SLC26A5: variants seen among roughly 807,000 people sequenced by gnomAD.
SLC26A5 encodes the protein prestin.
A neutral mutation model predicts 81.0 loss-of-function variants in SLC26A5; 51 were observed. The observed-to-expected ratio is 0.63, with a 90% CI of 0.50 to 0.80. SLC26A5 has a LOEUF of 0.80. Ranked by LOEUF, SLC26A5 falls within the 30% of genes least tolerant of loss-of-function variation. The pLI is 0.00. For missense variants in SLC26A5, 771 were observed against 905.8 expected, an observed-to-expected ratio of 0.85 and a Z score of 1.91; for synonymous variants, 325 against 332.8, an observed-to-expected ratio of 0.98 and a Z score of 0.25.
intron 8 of SLC26A5, among the ~76,000 whole-genome samples, chr7:103,400,585 G>C (rs1286352197): frequency 6.6e-6 from 1 of 152,138 alleles, no homozygotes; most frequent in African/African-American, 2.4e-5. Flanking sequence ...GATCCCATTT[G>C]TCAATTTGGC....
At chr7:103,397,448 G>A (rs566006609) in intron 9 of SLC26A5, among the ~76,000 whole-genome samples, 52 of 144,606 alleles carry the variant, frequency 3.6e-4, no homozygotes, top group African/African-American at 1.4e-3. Context: ...GGCTGAGGGA[G>A]GAGAATGGCA....
At chr7:103,443,538 G>C (rs1422690736) in intron 1 of SLC26A5, among the ~76,000 whole-genome samples, 1 of 152,094 alleles carries the variant, frequency 6.6e-6, no homozygotes, top group African/African-American at 2.4e-5. Flanking sequence ...TCAGTAGTGG[G>C]AGCAAATCCT....
chr7:103,408,900 G>A (rs746657139), intron 7 of SLC26A5, among the ~76,000 whole-genome samples: 3 of 152,166 alleles, frequency 2.0e-5, no homozygotes, highest in Admixed American at 6.5e-5. Flanking sequence ...CTTTCCTATC[G>A]ATGCCTAGAG....
chr7:103,361,278 T>C (rs1459319082), intron 19 of SLC26A5, among the ~76,000 whole-genome samples: 1 of 150,572 alleles, frequency 6.6e-6, no homozygotes, highest in Non-Finnish European at 1.5e-5. Context: ...GAGGTTGGGA[T>C]TTCGAGACCA....
chr7:103,382,406 A>G (rs896159292), intron 14 of SLC26A5, among the ~76,000 whole-genome samples: 3 of 144,676 alleles, frequency 2.1e-5, no homozygotes, highest in Non-Finnish European at 4.5e-5. Flanking sequence ...CTGGAGTGCA[A>G]TGGTGCAATC....
intron 2 of SLC26A5, among the ~76,000 whole-genome samples, chr7:103,436,412 C>A (rs1003691084): frequency 1.3e-5 from 2 of 152,064 alleles, no homozygotes; most frequent in Admixed American, 6.5e-5. Context: ...CACATACAAC[C>A]CTAAGAGGCA....
At chr7:103,355,267 CAT>C (rs534163053) in intron 19 of SLC26A5, among the ~76,000 whole-genome samples, 86 of 152,284 alleles carry the variant, frequency 5.6e-4, no homozygotes, top group African/African-American at 2.0e-3. Context: ...GATCTCACAA[CAT>C]AGTTTTGCTT....
At chr7:103,372,223 AAGG>A (rs1431397252), downstream of SLC26A5, among the ~76,000 whole-genome samples, 2 of 152,222 alleles carry the variant, frequency 1.3e-5, no homozygotes, top group Non-Finnish European at 2.9e-5. Context: ...TTTTGATTAA[AAGG>A]AGGAGTTTAT....
At chr7:103,400,283 T>A (rs1041032110) in intron 8 of SLC26A5, among the ~76,000 whole-genome samples, 2 of 152,280 alleles carry the variant, frequency 1.3e-5, no homozygotes, top group African/African-American at 4.8e-5. Flanking sequence ...TGAGATGGTA[T>A]CCCGTTGTGG....
At chr7:103,357,049 G>C (rs1342201138) in intron 19 of SLC26A5, among the ~76,000 whole-genome samples, 2 of 151,982 alleles carry the variant, frequency 1.3e-5, no homozygotes. Context: ...GTTCAGGCTG[G>C]GCACGGCAGC....
intron 15 of SLC26A5, among the ~76,000 whole-genome samples, chr7:103,379,628 T>C (rs778077256): frequency 1.2e-4 from 19 of 152,122 alleles, no homozygotes; most frequent in Non-Finnish European, 2.5e-4. Flanking sequence ...ATTTTTACCA[T>C]TAAACACAAA....
At chr7:103,366,543 T>C (rs1295665248) in intron 19 of SLC26A5, among the ~76,000 whole-genome samples, 1 of 152,242 alleles carries the variant, frequency 6.6e-6, no homozygotes, top group East Asian at 1.9e-4. Context: ...GCTTTTGTCA[T>C]GTTGGTGCTC....
intron 8 of SLC26A5, among the ~76,000 whole-genome samples, chr7:103,406,166 C>A (rs1445434499): frequency 6.6e-6 from 1 of 152,182 alleles, no homozygotes; most frequent in Non-Finnish European, 1.5e-5. Context: ...CTGCCTTTAG[C>A]CCCCTTTCCA....
At chr7:103,375,905 G>A (rs979191563) in intron 19 of SLC26A5, among the ~76,000 whole-genome samples, 3 of 151,786 alleles carry the variant, frequency 2.0e-5, no homozygotes, top group Non-Finnish European at 2.9e-5. Flanking sequence ...AAAGTCATGC[G>A]CCACCAAGCC....
chr7:103,388,195 T>A (rs1301162023), intron 14 of SLC26A5, among the ~76,000 whole-genome samples: 3 of 131,928 alleles, frequency 2.3e-5, no homozygotes, highest in South Asian at 2.3e-4. Flanking sequence ...CCCATAAAGT[T>A]TTTTTTTTTT....
At chr7:103,381,968 C>G (rs1563519065) in intron 14 of SLC26A5, among the ~76,000 whole-genome samples, 1 of 151,932 alleles carries the variant, frequency 6.6e-6, no homozygotes, top group Non-Finnish European at 1.5e-5. Context: ...ATACCTCACA[C>G]CACATTCACG....
intron 19 of SLC26A5, among the ~76,000 whole-genome samples, chr7:103,354,169 G>T (rs1819891443): frequency 6.6e-6 from 1 of 152,066 alleles, no homozygotes; most frequent in African/African-American, 2.4e-5. Context: ...AAAGTTTATA[G>T]AATAGATCAA....
rs368268286 is a variant in SLC26A5 at position 103,362,794 on chromosome 7, C to CTTT, written c.2042-9871_2042-9869dup. Reference sequence around the variant, plus strand: ...ATGGGAGGGAAAAGGAAGGCTATGTCTTTTTTTTTTTTTTTTTTTGAGGCG... The same window carrying CTTT: ...ATGGGAGGGAAAAGGAAGGCTATGTCTTTTTTTTTTTTTTTTTTTTTTGAGGCG... On this transcript the variant is annotated intron_variant, in intron 19 of 19. Transcript: ENST00000339444. 3,009 of 838,470 alleles carry CTTT rather than the reference C, an allele frequency of 3.6e-3. 37 individuals are homozygous for CTTT. The highest frequency in any genetic ancestry group is 0.031 in the African/African-American group (1,581 of 50,390). 51.9% of individuals were successfully genotyped at this position (838,470 alleles called of 1,614,324 possible).
chr7:103,420,981 A>C (rs1825300494), intron 3 of SLC26A5, 104 bp from the exon 4 acceptor site: 1 of 1,282,860 alleles, frequency 7.8e-7, no homozygotes, highest in Non-Finnish European at 1.1e-6. Flanking sequence ...AGCAATCTGG[A>C]AAAATTTCCA....
Sources: gnomAD v4.1 joint callset for allele counts (sites outside exome capture counted in the v4.1 genomes callset) on GRCh38, gnomAD v4.1.1 for gene constraint, MANE v1.5 for transcripts, NCBI Gene and HGNC (gene_info 2026-07-23, HGNC 2026-07-21) for gene names.